Variants in KCNH8 observed in about 807,000 individuals in gnomAD.
The protein encoded by KCNH8 is voltage-gated delayed rectifier potassium channel KCNH8.
Under a neutral mutation model 103.6 loss-of-function variants are expected in KCNH8, and 70 were observed. That is an observed-to-expected ratio of 0.68 (90% CI 0.56 to 0.82). The LOEUF is 0.82. Ranked by LOEUF, KCNH8 falls within the 40% of genes least tolerant of loss-of-function variation. The pLI, the probability that KCNH8 is intolerant of heterozygous loss-of-function variation, is 0.00. For missense variants in KCNH8, 1,217 were observed against 1,329.9 expected, an observed-to-expected ratio of 0.92 and a Z score of 1.32; for synonymous variants, 498 against 489.4, an observed-to-expected ratio of 1.02 and a Z score of -0.23.
intron 11 of KCNH8, among the ~76,000 whole-genome samples, 178 bp downstream of exon 11, chr3:19,457,160 G>C (rs2067545982): frequency 6.6e-6 from 1 of 151,936 alleles, no homozygotes; most frequent in South Asian, 2.1e-4. Context: ...CCTAGAGTTT[G>C]TTATTAACAT....
chr3:19,355,812 A>G (rs950068359), intron 5 of KCNH8, among the ~76,000 whole-genome samples: 7 of 151,992 alleles, frequency 4.6e-5, no homozygotes, highest in Admixed American at 3.9e-4. Flanking sequence ...CAGCACACCA[A>G]CATGGCGCAT....
chr3:19,355,348 A>G (rs1316454912), intron 5 of KCNH8, among the ~76,000 whole-genome samples: 1 of 152,244 alleles, frequency 6.6e-6, no homozygotes, highest in African/African-American at 2.4e-5. Flanking sequence ...ATCTAGAACT[A>G]GAAATACCAT....
At chr3:19,318,628 T>C (rs1336520403) in intron 3 of KCNH8, among the ~76,000 whole-genome samples, 2 of 146,280 alleles carry the variant, frequency 1.4e-5, no homozygotes, top group East Asian at 2.0e-4. Flanking sequence ...GGCTGAGTAG[T>C]ATTACATGGT....
chr3:19,279,463 C>G (rs2064725129), intron 2 of KCNH8, among the ~76,000 whole-genome samples: 2 of 151,656 alleles, frequency 1.3e-5, no homozygotes, highest in African/African-American at 4.8e-5. Context: ...GTATTAGAAC[C>G]ATGGTTAGAT....
rs986742042 is a variant in KCNH8, at chr3:19,502,026, T to C, written c.2041-8337T>C. Among the ~76,000 whole-genome samples, 5 of 151,502 alleles carry C rather than the reference T, an allele frequency of 3.3e-5. 1 individual carries two copies. The highest frequency in any genetic ancestry group is 3.9e-4 in the East Asian group (2 of 5,168). On this transcript the variant is annotated intron_variant, in intron 11 of 15. Transcript: ENST00000328405. The stretch of plus-strand genomic sequence containing the variant: ...ATGATTGTATATCTAGAAAACCCCA[T>C]TGTCTCAGCCCAAAATCTCCTTAAG...
chr3:19,278,090 A>G (rs1158029267), intron 2 of KCNH8, among the ~76,000 whole-genome samples: 1 of 152,108 alleles, frequency 6.6e-6, no homozygotes, highest in Non-Finnish European at 1.5e-5. Context: ...CAGATCCTGG[A>G]GAATAGTCTT....
chr3:19,417,047 C>G (rs368399018), intron 7 of KCNH8, among the ~76,000 whole-genome samples: 16 of 151,964 alleles, frequency 1.1e-4, no homozygotes, highest in African/African-American at 3.9e-4. Flanking sequence ...AGCTTCCCAC[C>G]TCTTCCCCTG....
intron 11 of KCNH8, among the ~76,000 whole-genome samples, chr3:19,496,678 T>A (rs921481724): frequency 1.3e-5 from 2 of 152,168 alleles, no homozygotes; most frequent in East Asian, 3.8e-4. Flanking sequence ...TCTGCCAGGT[T>A]TTGGTATCAG....
In KCNH8 at chr3:19,253,906, G is replaced by T. The variant is rs192627517; in HGVS notation, c.310+19G>T. On this transcript the variant is annotated intron_variant, in intron 2 of 15. Transcript: ENST00000328405. ...AAAAACGGTGAGTTGGCTTTCTTTC[G>T]TGCTCACTGGAGAGTAGTGAGAGGC... is the stretch of plus-strand genomic sequence containing the variant. 1.4e-5 allele frequency: 22 copies of T among 1,558,050 alleles called. No individual in the cohort carries two copies. Among genetic ancestry groups the T allele is most frequent in the East Asian group, 2.2e-5 (1 of 44,588 alleles).
In KCNH8 at chr3:19,284,508, GGTGTGTGT is replaced by G. The variant is rs66509260; in HGVS notation, c.442+3217_442+3224del. On this transcript the variant is annotated intron_variant, in intron 3 of 15. Transcript: ENST00000328405. Reference sequence around the variant, plus strand: ...ATAGCTTTCAGCTGGTGGATCTGCTGGTGTGTGTGTGTGTGTGTGTGTGTGTGTGTGTG... The same window carrying G: ...ATAGCTTTCAGCTGGTGGATCTGCTGGTGTGTGTGTGTGTGTGTGTGTGTG... Among the ~76,000 whole-genome samples the G allele has an allele frequency of 9.4e-3, 1,291 of 136,616 alleles. 14 individuals are homozygous for G. Among genetic ancestry groups the G allele is most frequent in the African/African-American group, 0.032 (1,176 of 37,310 alleles). The allele number at this position is 136,616 out of a possible 152,430, so 89.6% of individuals were successfully genotyped here.
chr3:19,305,434 G>C (rs890156303), intron 3 of KCNH8, among the ~76,000 whole-genome samples: 14 of 152,136 alleles, frequency 9.2e-5, no homozygotes, highest in Non-Finnish European at 1.3e-4. Context: ...ATTCAAGACA[G>C]TACTATATGG....
At chr3:19,381,537 A>G (rs2066288045) in intron 5 of KCNH8, among the ~76,000 whole-genome samples, 1 of 152,150 alleles carries the variant, frequency 6.6e-6, no homozygotes, top group African/African-American at 2.4e-5. Context: ...CCTGCAAATG[A>G]GAAAAAATGC....
At chr3:19,187,166 A>C (rs1418894542) in intron 1 of KCNH8, among the ~76,000 whole-genome samples, 2 of 151,992 alleles carry the variant, frequency 1.3e-5, no homozygotes. Context: ...AACAGCCTGC[A>C]AAGCAAATTT....
chr3:19,219,219 A>G (rs2063847144), intron 1 of KCNH8, among the ~76,000 whole-genome samples: 1 of 152,062 alleles, frequency 6.6e-6, no homozygotes, highest in Non-Finnish European at 1.5e-5. Flanking sequence ...CCCTTCTTTA[A>G]GTATGTCTTC....
At chr3:19,508,826 G>C (rs905163616) in intron 11 of KCNH8, among the ~76,000 whole-genome samples, 4 of 152,064 alleles carry the variant, frequency 2.6e-5, no homozygotes, top group Non-Finnish European at 5.9e-5. Context: ...AAATGACTCT[G>C]GGATTCAGCA....
intron 3 of KCNH8, among the ~76,000 whole-genome samples, chr3:19,331,087 A>G (rs1168539084): frequency 1.3e-5 from 2 of 152,024 alleles, no homozygotes; most frequent in Admixed American, 6.6e-5. Context: ...TTCAAAAATC[A>G]AAATTCATAC....
At chr3:19,287,813 T>G (rs938117398) in intron 3 of KCNH8, among the ~76,000 whole-genome samples, 1 of 152,168 alleles carries the variant, frequency 6.6e-6, no homozygotes, top group Non-Finnish European at 1.5e-5. Flanking sequence ...CTCGATCTTG[T>G]GACCTCGTGA....
At chr3:19,348,791 A>G (rs2125320754) in intron 5 of KCNH8, among the ~76,000 whole-genome samples, 1 of 152,196 alleles carries the variant, frequency 6.6e-6, no homozygotes, top group East Asian at 1.9e-4. Flanking sequence ...AAACATTTTC[A>G]AGCAGGTAGG....
intron 3 of KCNH8, among the ~76,000 whole-genome samples, chr3:19,327,159 A>G (rs909222030): frequency 2.0e-5 from 3 of 152,228 alleles, no homozygotes; most frequent in Non-Finnish European, 4.4e-5. Context: ...CTTTTCTGCC[A>G]TACTTTAATG....
Sources: gnomAD v4.1 joint callset for allele counts (sites outside exome capture counted in the v4.1 genomes callset) on GRCh38, gnomAD v4.1.1 for gene constraint, MANE v1.5 for transcripts, NCBI Gene and HGNC (gene_info 2026-07-23, HGNC 2026-07-21) for gene names.